Variants in ZNF138 observed in about 807,000 individuals in gnomAD.
ZNF138 encodes the protein zinc finger protein 138.
A neutral mutation model predicts 33.0 loss-of-function variants in ZNF138; 33 were observed. The ratio of observed to expected loss-of-function variants is 1.00; its 90% CI spans 0.76 to 1.34. The LOEUF (loss-of-function observed/expected upper bound fraction) is 1.34, where lower values mean the gene tolerates loss of function less well. Among genes scored for constraint, ZNF138 ranks in the 40% most tolerant of loss-of-function variants. ZNF138 has a pLI of 0.00. For synonymous variants in ZNF138, 139 were observed against 120.4 expected (o/e 1.15, Z -1.01); for missense variants, 360 against 370.8 (o/e 0.97, Z 0.24).
chr7:64,831,536 A>G lies in ZNF138; in HGVS notation c.294A>G (p.Gly98=). 1 of 1,613,418 alleles carries G rather than the reference A, an allele frequency of 6.2e-7. No individual in the cohort carries two copies. The highest frequency in any genetic ancestry group is 2.2e-5 in the East Asian group (1 of 44,854). Residue 98 remains glycine (G), a synonymous_variant, in exon 4 of 4, where the codon GGA becomes GGG. Transcript: ENST00000307355. ...SFQKVTLSRY[G]KYGHKNLQLR... The stretch of plus-strand genomic sequence containing the variant: ...AAAAAGTGACACTGAGCAGATATGG[A>G]AAATATGGACATAAGAATTTACAGT...
chr7:64,838,415 C>CA (rs60410485), downstream of ZNF138, among the ~76,000 whole-genome samples: 5 of 151,932 alleles, frequency 3.3e-5, no homozygotes, highest in Non-Finnish European at 5.9e-5. Flanking sequence ...ACCGGCTGGC[C>CA]GTGTCCTGAG....
At chr7:64,797,963 C>CAA (rs774881470) in intron 1 of ZNF138, among the ~76,000 whole-genome samples, 1 of 151,942 alleles carries the variant, frequency 6.6e-6, no homozygotes, top group Non-Finnish European at 1.5e-5. Context: ...TTTTTTGAGA[C>CAA]AGAGTCTTAC....
chr7:64,829,027 A>G (rs796811628), intron 3 of ZNF138, among the ~76,000 whole-genome samples: 32 of 152,168 alleles, frequency 2.1e-4, no homozygotes, highest in African/African-American at 6.7e-4. Flanking sequence ...GGTGTTTTCT[A>G]TTGTTGTATA....
intron 1 of ZNF138, among the ~76,000 whole-genome samples, chr7:64,810,260 G>A (rs1233399570): frequency 5.3e-5 from 8 of 150,858 alleles, no homozygotes; most frequent in Non-Finnish European, 7.4e-5. Context: ...GCTGGAGACT[G>A]GCCTGGCCGA....
chr7:64,810,956 G>C (rs1788132026), intron 1 of ZNF138, among the ~76,000 whole-genome samples: 1 of 152,184 alleles, frequency 6.6e-6, no homozygotes, highest in African/African-American at 2.4e-5. Context: ...TAAAACCAGT[G>C]CTTGCAGAGA....
the ZNF138 span, among the ~76,000 whole-genome samples, chr7:64,841,417 G>A: frequency 1.5e-3 from 222 of 152,178 alleles, no homozygotes; most frequent in Middle Eastern, 3.4e-3. Flanking sequence ...TAAATGTGGC[G>A]AACAAACATG....
At chr7:64,799,941 C>T (rs192765396) in intron 1 of ZNF138, among the ~76,000 whole-genome samples, 2 of 152,202 alleles carry the variant, frequency 1.3e-5, no homozygotes, top group African/African-American at 4.8e-5. Context: ...AGCCACCAGG[C>T]CCAGCCTGGG....
At chr7:64,807,178 T>C (rs553940506) in intron 1 of ZNF138, among the ~76,000 whole-genome samples, 1 of 152,352 alleles carries the variant, frequency 6.6e-6, no homozygotes, top group Non-Finnish European at 1.5e-5. Flanking sequence ...AATGAATACG[T>C]GGGTAAATCT....
chr7:64,819,760 C>CTTTTA, intron 3 of ZNF138, among the ~76,000 whole-genome samples: 1 of 147,206 alleles, frequency 6.8e-6, no homozygotes, highest in African/African-American at 2.7e-5. Flanking sequence ...AATTTACCAT[C>CTTTTA]TTAAATCTAT....
At chr7:64,843,531 G>T in the ZNF138 span, among the ~76,000 whole-genome samples, 1 of 152,094 alleles carries the variant, frequency 6.6e-6, no homozygotes, top group East Asian at 1.9e-4. Context: ...TCCTTTCCCT[G>T]ATAATAACTG....
At chr7:64,818,583 G>A (rs1029683754) in intron 3 of ZNF138, among the ~76,000 whole-genome samples, 1 of 151,714 alleles carries the variant, frequency 6.6e-6, no homozygotes, top group Non-Finnish European at 1.5e-5. Context: ...AACACTGTCT[G>A]TACTAAAAAT....
At chr7:64,852,273 C>T in the ZNF138 span, 1 of 693,714 alleles carries the variant, frequency 1.4e-6, no homozygotes, top group Non-Finnish European at 2.5e-6. Context: ...TACAAACTGA[C>T]CTAAGGTCAC....
At chr7:64,795,717 G>T (rs1236070784) in intron 1 of ZNF138, among the ~76,000 whole-genome samples, 2 of 150,374 alleles carry the variant, frequency 1.3e-5, no homozygotes, top group East Asian at 2.0e-4. Flanking sequence ...TAGGTACAGA[G>T]ATCTTATCAG....
chr7:64,824,996 C>T (rs190860133), intron 3 of ZNF138, among the ~76,000 whole-genome samples: 46 of 151,908 alleles, frequency 3.0e-4, no homozygotes, highest in African/African-American at 1.1e-3. Context: ...CATGCACCAC[C>T]TCACCTGGCT....
At chr7:64,812,340 T>C (rs1788245205) in intron 1 of ZNF138, among the ~76,000 whole-genome samples, 1 of 152,062 alleles carries the variant, frequency 6.6e-6, no homozygotes, top group Non-Finnish European at 1.5e-5. Context: ...TTTTTGCATT[T>C]TTCTAGAGAA....
At chr7:64,819,934 A>G (rs1444123895) in intron 3 of ZNF138, among the ~76,000 whole-genome samples, 1 of 150,042 alleles carries the variant, frequency 6.7e-6, no homozygotes, top group Non-Finnish European at 1.5e-5. Flanking sequence ...ATAGCCAGGC[A>G]TGGTCTTGTC....
intron 1 of ZNF138, among the ~76,000 whole-genome samples, chr7:64,795,541 A>G (rs185813571): frequency 1.3e-5 from 2 of 152,318 alleles, no homozygotes; most frequent in African/African-American, 4.8e-5. Context: ...TACATTTGAA[A>G]TACTGTATTT....
chr7:64,806,992 AGG>A (rs1217135758), intron 1 of ZNF138, among the ~76,000 whole-genome samples: 2 of 152,212 alleles, frequency 1.3e-5, no homozygotes, highest in African/African-American at 2.4e-5. Context: ...TACCGGAATA[AGG>A]GCAAGGCACA....
rs200963084 is a variant in ZNF138, at chr7:64,817,981, TTTA to T, written c.208+2343_208+2345del. On this transcript the variant is annotated intron_variant, in intron 3 of 3. Coordinates refer to ENST00000307355, the MANE Select transcript of ZNF138 (RefSeq NM_001271639.2). ...AGCCTGTATCTTAATAATAACATTA[TTTA>T]TTATTATTATTATTTTTTTTTTTTT... Among the ~76,000 whole-genome samples the T allele has an allele frequency of 1.8e-3, 267 of 145,980 alleles. 7 individuals carry two copies. Among genetic ancestry groups the T allele is most frequent in the Middle Eastern group, 3.5e-3 (1 of 282 alleles).
Sources: allele counts gnomAD v4.1 joint callset (sites outside exome capture counted in the v4.1 genomes callset), GRCh38; gene constraint gnomAD v4.1.1; transcripts MANE v1.5; gene names NCBI Gene and HGNC (gene_info 2026-07-23, HGNC 2026-07-21).